The following GALNT13 variants were observed in gnomAD, a reference collection of about 807,000 sequenced individuals.
GALNT13 encodes the protein polypeptide N-acetylgalactosaminyltransferase 13.
In GALNT13, 28 loss-of-function variants were observed where a neutral mutation model predicts 64.2. The observed-to-expected ratio is 0.44, with a 90% CI of 0.32 to 0.60. The LOEUF (loss-of-function observed/expected upper bound fraction) is 0.60. Among genes scored for constraint, GALNT13 ranks in the 20% least tolerant of loss-of-function variants. The pLI, the probability that GALNT13 is intolerant of heterozygous loss-of-function variation, is 0.05. For missense variants in GALNT13, 577 were observed against 669.8 expected (o/e 0.86, Z 1.53); for synonymous variants, 214 against 224.6 (o/e 0.95, Z 0.42).
intron 8 of GALNT13, among the ~76,000 whole-genome samples, chr2:154,293,486 A>G (rs1692754939): frequency 6.6e-6 from 1 of 152,204 alleles, no homozygotes; most frequent in Admixed American, 6.5e-5. Context: ...AAGTTAAATA[A>G]TATCCAAGTA....
chr2:153,465,750 G>A, the GALNT13 span, among the ~76,000 whole-genome samples: 1 of 151,804 alleles, frequency 6.6e-6, no homozygotes, highest in Admixed American at 6.6e-5. Flanking sequence ...TGTAACTTCT[G>A]GACAAATCAA....
chr2:154,282,262 C>A (rs1331225610), intron 8 of GALNT13, among the ~76,000 whole-genome samples: 1 of 151,988 alleles, frequency 6.6e-6, no homozygotes, highest in Non-Finnish European at 1.5e-5. Context: ...AGAGGAATTC[C>A]CATATTTGAG....
chr2:153,286,046 A>G, the GALNT13 span, among the ~76,000 whole-genome samples: 1 of 152,170 alleles, frequency 6.6e-6, no homozygotes, highest in South Asian at 2.1e-4. Context: ...AACTAATAGC[A>G]GAAAGAGATG....
chr2:153,605,465 C>T, the GALNT13 span, among the ~76,000 whole-genome samples: 1 of 152,076 alleles, frequency 6.6e-6, no homozygotes, highest in Non-Finnish European at 1.5e-5. Flanking sequence ...AATTCTTTAA[C>T]TTCTTAAATA....
At chr2:153,455,265 C>T in the GALNT13 span, among the ~76,000 whole-genome samples, 1 of 152,216 alleles carries the variant, frequency 6.6e-6, no homozygotes, top group East Asian at 1.9e-4. Flanking sequence ...TCAAGGAATA[C>T]AAGTATAGGA....
chr2:153,758,496 A>C, the GALNT13 span, among the ~76,000 whole-genome samples: 1 of 152,150 alleles, frequency 6.6e-6, no homozygotes, highest in South Asian at 2.1e-4. Flanking sequence ...GTTTTATATA[A>C]ATTTTAGTTA....
the GALNT13 span, among the ~76,000 whole-genome samples, chr2:153,668,521 G>A: frequency 6.6e-6 from 1 of 151,976 alleles, no homozygotes; most frequent in African/African-American, 2.4e-5. Context: ...TGAGGAACTG[G>A]GACACAAGAA....
intron 7 of GALNT13, among the ~76,000 whole-genome samples, chr2:154,246,646 T>TA (rs1689797311): frequency 6.6e-6 from 1 of 152,054 alleles, no homozygotes; most frequent in Admixed American, 6.6e-5. Flanking sequence ...TACCTGAAAC[T>TA]AAAAATCGAT....
the GALNT13 span, among the ~76,000 whole-genome samples, chr2:153,651,567 C>A: frequency 6.6e-6 from 1 of 152,138 alleles, no homozygotes; most frequent in African/African-American, 2.4e-5. Context: ...CCTAAGTATA[C>A]TTGAAATATA....
the GALNT13 span, among the ~76,000 whole-genome samples, chr2:153,809,245 C>T: frequency 6.6e-6 from 1 of 152,150 alleles, no homozygotes; most frequent in Non-Finnish European, 1.5e-5. Flanking sequence ...TTCGTTGAAA[C>T]ATTTAGGATG....
At chr2:154,252,728 TA>T (rs1223885086) in intron 7 of GALNT13, among the ~76,000 whole-genome samples, 1 of 12,370 alleles carries the variant, frequency 8.1e-5, no homozygotes, top group Admixed American at 1.0e-3. Context: ...TGGAAAAAGA[TA>T]GATAGATAGA....
At chr2:154,255,935 C>T (rs1364701343) in intron 7 of GALNT13, among the ~76,000 whole-genome samples, 2 of 151,966 alleles carry the variant, frequency 1.3e-5, no homozygotes, top group African/African-American at 2.4e-5. Context: ...TGCCCGTAGT[C>T]CCAGCTATTC....
chr2:154,410,904 A>C (rs1699763375), intron 11 of GALNT13, among the ~76,000 whole-genome samples: 1 of 151,918 alleles, frequency 6.6e-6, no homozygotes, highest in African/African-American at 2.4e-5. Context: ...AAATTACTTT[A>C]TTCATCTGCA....
At chr2:154,353,460 A>G (rs1024072184) in intron 9 of GALNT13, among the ~76,000 whole-genome samples, 3 of 152,258 alleles carry the variant, frequency 2.0e-5, no homozygotes, top group East Asian at 1.9e-4. Context: ...TATTTAAGAA[A>G]GATCCCTAAT....
chr2:154,454,029 A>G (rs1486339195), downstream of GALNT13, among the ~76,000 whole-genome samples: 1 of 152,142 alleles, frequency 6.6e-6, no homozygotes, highest in African/African-American at 2.4e-5. Context: ...GGTTGTGTCC[A>G]ATGGCCACTT....
At chr2:153,270,582 C>T in the GALNT13 span, among the ~76,000 whole-genome samples, 2 of 152,114 alleles carry the variant, frequency 1.3e-5, no homozygotes, top group Admixed American at 6.6e-5. Context: ...CATTTGTGGC[C>T]AGACATAGTG....
At chr2:153,345,719 G>GTCCGTCCTTCCTTCCTTCCTTCCT in the GALNT13 span, among the ~76,000 whole-genome samples, 51 of 80,022 alleles carry the variant, frequency 6.4e-4, 3 homozygotes, top group Admixed American at 4.5e-3. Flanking sequence ...CTCTCTTTCT[G>GTCCGTCCTTCCTTCCTTCCTTCCT]TCCTTCCTTC....
chr2:153,329,468 T>C, the GALNT13 span, among the ~76,000 whole-genome samples: 467 of 152,332 alleles, frequency 3.1e-3, 18 homozygotes, highest in East Asian at 0.082. Flanking sequence ...TCATAGCCAG[T>C]CTGACTGGTA....
intron 9 of GALNT13, among the ~76,000 whole-genome samples, chr2:154,386,154 C>T (rs1039947898): frequency 2.0e-5 from 3 of 151,772 alleles, no homozygotes; most frequent in East Asian, 1.9e-4. Context: ...ATCACCAAGA[C>T]GATGAGTATT....
Sources: gnomAD v4.1 joint callset for allele counts (sites outside exome capture counted in the v4.1 genomes callset) on GRCh38, gnomAD v4.1.1 for gene constraint, MANE v1.5 for transcripts, NCBI Gene and HGNC (gene_info 2026-07-23, HGNC 2026-07-21) for gene names.